GPC5: variants seen among roughly 807,000 people sequenced by gnomAD.
GPC5 encodes the protein glypican-5.
In GPC5, 47 loss-of-function variants were observed where a neutral mutation model predicts 53.9. That is an observed-to-expected ratio of 0.87 (90% CI 0.69 to 1.11). The LOEUF (loss-of-function observed/expected upper bound fraction) is 1.11, where lower values mean the gene tolerates loss of function less well. Among genes scored for constraint, GPC5 ranks in the 50% most tolerant of loss-of-function variants. The pLI, the probability that GPC5 is intolerant of heterozygous loss-of-function variation, is 0.00. For missense variants in GPC5, 748 were observed against 713.1 expected (o/e 1.05, Z -0.56); for synonymous variants, 286 against 263.3 (o/e 1.09, Z -0.84).
chr13:92,697,204 A>G (rs8001199), intron 7 of GPC5, among the ~76,000 whole-genome samples: 1 of 151,800 alleles, frequency 6.6e-6, no homozygotes, highest in Non-Finnish European at 1.5e-5. Context: ...TCCATATGAA[A>G]TTTAAAGTAA....
At chr13:92,754,385 G>A (rs1211711470) in intron 7 of GPC5, among the ~76,000 whole-genome samples, 3 of 152,274 alleles carry the variant, frequency 2.0e-5, no homozygotes, top group South Asian at 2.1e-4. Context: ...ATGCCAAAAT[G>A]TAAAGACCAT....
At chr13:92,292,087 G>C (rs1208593334) in intron 7 of GPC5, among the ~76,000 whole-genome samples, 5 of 152,252 alleles carry the variant, frequency 3.3e-5, no homozygotes, top group African/African-American at 9.6e-5. Flanking sequence ...CTTGTTGATT[G>C]ATGGGCATTT....
chr13:92,095,701 A>C (rs146575830), intron 6 of GPC5, among the ~76,000 whole-genome samples: 2 of 151,904 alleles, frequency 1.3e-5, no homozygotes, highest in African/African-American at 4.8e-5. Context: ...TGCCCGGCTA[A>C]TTTTGGCATT....
At chr13:91,948,037 G>T (rs919002475) in intron 6 of GPC5, among the ~76,000 whole-genome samples, 5 of 151,890 alleles carry the variant, frequency 3.3e-5, no homozygotes, top group Admixed American at 6.6e-5. Flanking sequence ...GACCATCCTG[G>T]CTAACACGGT....
chr13:92,310,161 CTTTA>C (rs2043136305), intron 7 of GPC5, among the ~76,000 whole-genome samples: 1 of 151,884 alleles, frequency 6.6e-6, no homozygotes, highest in Admixed American at 6.6e-5. Context: ...ATCACATTTT[CTTTA>C]TTCATTCATT....
intron 5 of GPC5, among the ~76,000 whole-genome samples, chr13:91,879,449 T>C (rs368478849): frequency 6.6e-6 from 1 of 152,212 alleles, no homozygotes; most frequent in South Asian, 2.1e-4. Context: ...CAGAAAGGAA[T>C]ATCTCACAAT....
At chr13:91,700,842 C>A (rs2035976901) in intron 3 of GPC5, among the ~76,000 whole-genome samples, 2 of 152,092 alleles carry the variant, frequency 1.3e-5, no homozygotes, top group African/African-American at 4.8e-5. Flanking sequence ...TCTCTTATCC[C>A]AATATTATGA....
chr13:92,012,899 G>A (rs1342147153), intron 6 of GPC5, among the ~76,000 whole-genome samples: 2 of 152,206 alleles, frequency 1.3e-5, no homozygotes, highest in Non-Finnish European at 2.9e-5. Context: ...GCATGTGAGT[G>A]AGTGCAGGAC....
At chr13:92,551,489 CAG>C (rs1164579997) in intron 7 of GPC5, among the ~76,000 whole-genome samples, 1 of 151,696 alleles carries the variant, frequency 6.6e-6, no homozygotes, top group Non-Finnish European at 1.5e-5. Flanking sequence ...TTTGCAAAAA[CAG>C]AGAATTCCCA....
At chr13:92,187,742 G>T (rs573608932) in intron 7 of GPC5, among the ~76,000 whole-genome samples, 2 of 152,292 alleles carry the variant, frequency 1.3e-5, no homozygotes, top group South Asian at 4.1e-4. Flanking sequence ...ATTGGGGAAA[G>T]ATGTGCATAC....
intron 7 of GPC5, among the ~76,000 whole-genome samples, chr13:92,606,566 T>C (rs772315786): frequency 5.3e-5 from 8 of 152,210 alleles, no homozygotes; most frequent in Non-Finnish European, 7.3e-5. Flanking sequence ...CTTATATTTT[T>C]ATAAACTTGT....
At chr13:91,620,467 C>A (rs76942590) in intron 2 of GPC5, among the ~76,000 whole-genome samples, 4,620 of 152,180 alleles carry the variant, frequency 0.03, 75 homozygotes, top group Middle Eastern at 0.051. Flanking sequence ...ATTGTTTCTT[C>A]TTTGGGTACC....
In GPC5 at chr13:91,693,899, A is replaced by G; in HGVS notation, c.1020+18A>G. On this transcript the variant is annotated intron_variant, in intron 3 of 7. Transcript: ENST00000377067. ...TGGAACAGGTAAGTAGGAGCTCCAC[A>G]TTTTCAGTCTGACTTCTTGTAATTC... The G allele has an allele frequency of 1.3e-6, 2 of 1,547,108 alleles. No individual in the cohort carries two copies. Among genetic ancestry groups the G allele is most frequent in the Non-Finnish European group, 1.8e-6 (2 of 1,140,850 alleles).
intron 4 of GPC5, among the ~76,000 whole-genome samples, chr13:91,733,915 AG>A (rs2036758094): frequency 6.6e-6 from 1 of 152,184 alleles, no homozygotes; most frequent in Non-Finnish European, 1.5e-5. Context: ...CCATTTTCAA[AG>A]GGAATGCTTC....
At chr13:92,772,531 T>G (rs1180797422) in intron 7 of GPC5, among the ~76,000 whole-genome samples, 1 of 152,180 alleles carries the variant, frequency 6.6e-6, no homozygotes, top group African/African-American at 2.4e-5. Context: ...CAGAGAGGAC[T>G]TCCCTGACTT....
intron 7 of GPC5, among the ~76,000 whole-genome samples, chr13:92,501,967 T>C (rs776353496): frequency 6.6e-6 from 1 of 152,032 alleles, no homozygotes; most frequent in Non-Finnish European, 1.5e-5. Flanking sequence ...AAATTCTTCA[T>C]AGAAAAAGAT....
chr13:91,574,890 G>A (rs1009712997), intron 2 of GPC5, among the ~76,000 whole-genome samples: 6 of 152,086 alleles, frequency 3.9e-5, no homozygotes, highest in Non-Finnish European at 8.8e-5. Context: ...CTAGTTGATC[G>A]TTAGAGTTCT....
chr13:91,881,518 C>T (rs745311246), intron 5 of GPC5, among the ~76,000 whole-genome samples: 6 of 152,130 alleles, frequency 3.9e-5, no homozygotes, highest in Non-Finnish European at 5.9e-5. Flanking sequence ...GTCTTTAAAA[C>T]ATATTCAATA....
intron 6 of GPC5, among the ~76,000 whole-genome samples, chr13:91,938,641 T>C (rs2039893915): frequency 6.6e-6 from 1 of 152,152 alleles, no homozygotes; most frequent in African/African-American, 2.4e-5. Flanking sequence ...GATTCAGGGA[T>C]GGAAAGTAAA....
Sources: allele counts gnomAD v4.1 joint callset (sites outside exome capture counted in the v4.1 genomes callset), GRCh38; gene constraint gnomAD v4.1.1; transcripts MANE v1.5; gene names NCBI Gene and HGNC (gene_info 2026-07-23, HGNC 2026-07-21).